TBC1D8: variants seen among roughly 807,000 people sequenced by gnomAD.
The protein encoded by TBC1D8 is TBC1 domain family member 8.
A neutral mutation model predicts 118.8 loss-of-function variants in TBC1D8; 65 were observed. That is an observed-to-expected ratio of 0.55 (90% CI 0.45 to 0.67). The LOEUF (loss-of-function observed/expected upper bound fraction) is 0.67, where lower values mean the gene tolerates loss of function less well. TBC1D8 is among the 30% of genes least tolerant of loss of function. The pLI, the probability that TBC1D8 is intolerant of heterozygous loss-of-function variation, is 0.00. For synonymous variants in TBC1D8, 566 were observed against 595.8 expected (o/e 0.95, Z 0.73); for missense variants, 1,376 against 1,471.2 (o/e 0.94, Z 1.06).
At chr2:101,019,992 G>A (rs976595480) in intron 17 of TBC1D8, among the ~76,000 whole-genome samples, 14 of 150,778 alleles carry the variant, frequency 9.3e-5, no homozygotes. Context: ...GAATGGTGTG[G>A]AACCCGGGAG....
intron 3 of TBC1D8, 80 bp downstream of exon 3, chr2:101,059,341 T>C: frequency 9.2e-7 from 1 of 1,091,954 alleles, no homozygotes; most frequent in Non-Finnish European, 1.4e-6. Context: ...GGAAAAACTG[T>C]TAGTATGCTA....
At chr2:101,023,550 T>C (rs902875560) in intron 15 of TBC1D8, 3 of 380,234 alleles carry the variant, frequency 7.9e-6, no homozygotes, top group African/African-American at 6.6e-5. Context: ...GAGGTGGAAG[T>C]GAGACTTTTT....
At chr2:101,060,085 G>A (rs946990810) in intron 2 of TBC1D8, among the ~76,000 whole-genome samples, 1 of 152,240 alleles carries the variant, frequency 6.6e-6, no homozygotes, top group Admixed American at 6.5e-5. Context: ...GGGCCAGGTG[G>A]CCAAGTGAGT....
chr2:101,096,468 A>G (rs1003017132), intron 1 of TBC1D8, among the ~76,000 whole-genome samples: 2 of 151,664 alleles, frequency 1.3e-5, no homozygotes, highest in African/African-American at 4.8e-5. Flanking sequence ...CGCTACAACA[A>G]AGTCTGAAGA....
At chr2:101,049,421 T>C (rs994715568) in intron 5 of TBC1D8, among the ~76,000 whole-genome samples, 2 of 152,176 alleles carry the variant, frequency 1.3e-5, no homozygotes, top group African/African-American at 4.8e-5. Context: ...TACAAACTAA[T>C]TTCCTGTGAA....
chr2:101,090,280 G>A lies in TBC1D8; in HGVS notation c.212C>T (p.Ser71Phe). The A allele has an allele frequency of 1.2e-6, 2 of 1,613,988 alleles. No individual in the cohort carries two copies. The highest frequency in any genetic ancestry group is 2.7e-5 in the African/African-American group (2 of 75,040). The change falls in exon 2 of 20, where the codon TCC (serine) becomes TTC (phenylalanine). Residue 71 changes from serine (S) to phenylalanine (F), a missense_variant. By Grantham distance (155) the Ser-to-Phe change is radical (BLOSUM62 -2). Transcript: ENST00000409318. ...PFRILLQVPGSQVYSPIACGE... is the reference protein window; with the variant it reads ...PFRILLQVPGFQVYSPIACGE... ...ACATGCTATGGGAGAATAAACCTGGGAGCCGGGAACTTGAAGCAGAATTCG... is the reference window on the plus strand; with the variant it reads ...ACATGCTATGGGAGAATAAACCTGGAAGCCGGGAACTTGAAGCAGAATTCG...
In TBC1D8 at chr2:101,137,967, C is replaced by T. The variant is rs369009522; in HGVS notation, c.127+13160G>A. On this transcript the variant is annotated intron_variant, in intron 1 of 19. Coordinates refer to ENST00000409318, the MANE Select transcript of TBC1D8 (RefSeq NM_001330348.2). ...AAAGAAAAGAGGTTTAATTGGCTCA[C>T]AGTTCCACAGGCTGTACAGGAAGCA... Among the ~76,000 whole-genome samples, 14 of 152,328 alleles carry T rather than the reference C, an allele frequency of 9.2e-5. No individual in the cohort carries two copies. In the East Asian group the frequency reaches 1.9e-3, roughly 21 times the overall value.
At chr2:101,008,323 CA>C in intron 19 of TBC1D8, 50 bp from the exon 20 acceptor site, 7 of 1,391,706 alleles carry the variant, frequency 5.0e-6, no homozygotes, top group South Asian at 1.6e-5. Context: ...GTGGAAGTGT[CA>C]TTTTTTTTTT....
At chr2:101,059,373 GAAGA>G (rs1451051005) in intron 3 of TBC1D8, 44 bp downstream of exon 3, 2 of 1,464,034 alleles carry the variant, frequency 1.4e-6, no homozygotes, top group East Asian at 4.5e-5. Flanking sequence ...ATGTCTTAAG[GAAGA>G]AAGATGGAAA....
At position 101,038,452 on chromosome 2, in the gene TBC1D8, G is replaced by A; in HGVS notation, c.1275+9C>T. On this transcript the variant is annotated intron_variant, in intron 7 of 19. Coordinates refer to ENST00000409318, the MANE Select transcript of TBC1D8 (RefSeq NM_001330348.2). ...AGAAGGGGATCATCAGGGTCTGGAG[G>A]GACCATACCATGTCATCATCCGCAG... 1 of 1,612,328 alleles carries A rather than the reference G, an allele frequency of 6.2e-7. No individual in the cohort carries two copies. Among genetic ancestry groups the A allele is most frequent in the Non-Finnish European group, 8.5e-7 (1 of 1,179,006 alleles).
chr2:101,076,066 G>T (rs769232997), intron 2 of TBC1D8, among the ~76,000 whole-genome samples: 1 of 152,202 alleles, frequency 6.6e-6, no homozygotes, highest in Non-Finnish European at 1.5e-5. Context: ...TGTCATCACT[G>T]CAGATGACCA....
intron 1 of TBC1D8, among the ~76,000 whole-genome samples, chr2:101,097,556 T>TAA (rs1676547629): frequency 8.9e-6 from 1 of 111,816 alleles, no homozygotes; most frequent in Admixed American, 1.0e-4. Context: ...ACTCTGTTAT[T>TAA]TAAAAAAAAA....
chr2:101,135,009 TAA>T (rs1203410526), intron 1 of TBC1D8, among the ~76,000 whole-genome samples: 1 of 152,026 alleles, frequency 6.6e-6, no homozygotes, highest in African/African-American at 2.4e-5. Context: ...CCGTCTCTAC[TAA>T]AAATACAATA....
At position 101,122,492 on chromosome 2, in the gene TBC1D8, T is replaced by C. The variant is rs7567981; in HGVS notation, c.127+28635A>G. 5.0e-3 allele frequency among the ~76,000 whole-genome samples: 763 copies of C among 152,014 alleles called. 6 individuals are homozygous for C. Among genetic ancestry groups the C allele is most frequent in the Admixed American group, 9.1e-3 (139 of 15,264 alleles). Reference sequence around the variant, plus strand: ...TTTCTTTTTCATTTATTTTTCCAATTTCCTACAATTGACATTTATTTATAA... The same window carrying C: ...TTTCTTTTTCATTTATTTTTCCAATCTCCTACAATTGACATTTATTTATAA... On this transcript the variant is annotated intron_variant, in intron 1 of 19. Transcript: ENST00000409318.
chr2:101,015,230 A>C (rs72976857), intron 17 of TBC1D8, among the ~76,000 whole-genome samples: 4,544 of 152,264 alleles, frequency 0.03, 241 homozygotes, highest in African/African-American at 0.1. Context: ...TGCTATAAAA[A>C]TATGGTATAA....
At chr2:101,147,331 C>A (rs1679359991) in intron 1 of TBC1D8, among the ~76,000 whole-genome samples, 1 of 152,130 alleles carries the variant, frequency 6.6e-6, no homozygotes, top group Non-Finnish European at 1.5e-5. Context: ...AATATATACC[C>A]AGTAGCGGGA....
At chr2:101,062,527 G>A (rs1182096290) in intron 2 of TBC1D8, among the ~76,000 whole-genome samples, 1 of 152,194 alleles carries the variant, frequency 6.6e-6, no homozygotes, top group Non-Finnish European at 1.5e-5. Flanking sequence ...TGAGGAAATG[G>A]AGGCTCAAGT....
At chr2:101,116,540 G>A (rs1677825973) in intron 1 of TBC1D8, among the ~76,000 whole-genome samples, 1 of 152,104 alleles carries the variant, frequency 6.6e-6, no homozygotes, top group South Asian at 2.1e-4. Context: ...TTCCAAAAAA[G>A]ATACATTGAA....
intron 1 of TBC1D8, among the ~76,000 whole-genome samples, chr2:101,111,645 C>G (rs960881511): frequency 1.3e-5 from 2 of 152,236 alleles, no homozygotes; most frequent in Non-Finnish European, 2.9e-5. Context: ...ATGGGTGTGG[C>G]TGCTAGCCTC....
Sources: allele counts gnomAD v4.1 joint callset (sites outside exome capture counted in the v4.1 genomes callset), GRCh38; gene constraint gnomAD v4.1.1; transcripts MANE v1.5; gene names NCBI Gene and HGNC (gene_info 2026-07-23, HGNC 2026-07-21).